The following LINGO2 variants were observed in gnomAD, a reference collection of about 807,000 sequenced individuals.
LINGO2 encodes the protein leucine rich repeat and Ig domain containing 2, also known as leucine-rich repeat and immunoglobulin-like domain-containing nogo receptor-interacting protein 2.
LINGO2 carries 14 observed loss-of-function variants against 30.6 expected under a neutral mutation model. That is an observed-to-expected ratio of 0.46 (90% CI 0.30 to 0.72). LINGO2 has a LOEUF of 0.72. Ranked by LOEUF, LINGO2 falls within the 30% of genes least tolerant of loss-of-function variation. The pLI, the probability that LINGO2 is intolerant of heterozygous loss-of-function variation, is 0.07. For missense variants in LINGO2, 729 were observed against 751.7 expected, an observed-to-expected ratio of 0.97 and a Z score of 0.35; for synonymous variants, 317 against 288.5, an observed-to-expected ratio of 1.10 and a Z score of -1.00.
At chr9:28,482,285 G>A (rs9776887) in intron 1 of LINGO2, among the ~76,000 whole-genome samples, 91,964 of 151,422 alleles carry the variant, frequency 0.61, 28,464 homozygotes, top group South Asian at 0.74. Flanking sequence ...TCCAGCACCT[G>A]TTGTTTCCTG....
At chr9:28,158,603 C>T (rs906587417) in intron 4 of LINGO2, among the ~76,000 whole-genome samples, 2 of 152,156 alleles carry the variant, frequency 1.3e-5, no homozygotes, top group Non-Finnish European at 2.9e-5. Context: ...CAGTGGAGCA[C>T]ATCTAATAGA....
intron 4 of LINGO2, among the ~76,000 whole-genome samples, chr9:28,058,925 A>C (rs1825050550): frequency 6.6e-6 from 1 of 152,206 alleles, no homozygotes; most frequent in African/African-American, 2.4e-5. Context: ...ATTTATAAGT[A>C]AACAATTATA....
intron 1 of LINGO2, among the ~76,000 whole-genome samples, chr9:28,625,924 C>CT (rs1204301056): frequency 6.6e-6 from 1 of 152,022 alleles, no homozygotes; most frequent in Admixed American, 6.6e-5. Flanking sequence ...AAGACATACA[C>CT]TTTGAGTTTT....
the LINGO2 span, among the ~76,000 whole-genome samples, chr9:28,883,485 T>G: frequency 6.6e-4 from 100 of 151,466 alleles, no homozygotes; most frequent in African/African-American, 2.4e-3. Context: ...AAACACAACT[T>G]CCCAAGGAAA....
At chr9:29,013,108 T>C in the LINGO2 span, among the ~76,000 whole-genome samples, 1 of 152,142 alleles carries the variant, frequency 6.6e-6, no homozygotes, top group Admixed American at 6.5e-5. Context: ...AATGGGAAAA[T>C]CTCGTATTGA....
At chr9:28,167,357 C>T (rs1828459822) in intron 4 of LINGO2, among the ~76,000 whole-genome samples, 1 of 152,070 alleles carries the variant, frequency 6.6e-6, no homozygotes, top group Admixed American at 6.6e-5. Context: ...TAAGAGAGCC[C>T]AGTCTTTCTC....
the LINGO2 span, among the ~76,000 whole-genome samples, chr9:28,920,096 T>C: frequency 3.3e-5 from 5 of 152,262 alleles, no homozygotes; most frequent in African/African-American, 1.2e-4. Context: ...TATTTCTCTA[T>C]TTAAGATGAT....
the LINGO2 span, among the ~76,000 whole-genome samples, chr9:29,143,254 T>C: frequency 6.6e-6 from 1 of 152,074 alleles, no homozygotes; most frequent in African/African-American, 2.4e-5. Flanking sequence ...CACAAGATCA[T>C]CTACAGATCC....
At chr9:28,566,948 T>A (rs909519085) in intron 1 of LINGO2, among the ~76,000 whole-genome samples, 2 of 152,192 alleles carry the variant, frequency 1.3e-5, no homozygotes, top group Admixed American at 1.3e-4. Context: ...AACCAATAGT[T>A]GATATGATAT....
chr9:28,511,055 C>T (rs1820364580), intron 1 of LINGO2, among the ~76,000 whole-genome samples: 1 of 151,922 alleles, frequency 6.6e-6, no homozygotes, highest in Non-Finnish European at 1.5e-5. Flanking sequence ...GGTGGATCTG[C>T]CTTCCCCAGC....
the LINGO2 span, among the ~76,000 whole-genome samples, chr9:28,678,666 T>G: frequency 1.3e-5 from 2 of 152,254 alleles, no homozygotes; most frequent in African/African-American, 4.8e-5. Flanking sequence ...TTTATACAAC[T>G]AAGCACTCAG....
At chr9:28,938,139 A>C in the LINGO2 span, among the ~76,000 whole-genome samples, 4 of 152,306 alleles carry the variant, frequency 2.6e-5, no homozygotes, top group Admixed American at 1.3e-4. Flanking sequence ...GAAGTCTGAA[A>C]GCCTTTCTTC....
chr9:27,967,560 T>C (rs969089437), intron 5 of LINGO2, among the ~76,000 whole-genome samples: 18 of 152,166 alleles, frequency 1.2e-4, no homozygotes, highest in African/African-American at 4.3e-4. Flanking sequence ...AATATGAATC[T>C]AGTATATATG....
chr9:28,769,292 C>T, the LINGO2 span, among the ~76,000 whole-genome samples: 2 of 150,402 alleles, frequency 1.3e-5, no homozygotes, highest in African/African-American at 4.9e-5. Flanking sequence ...AATGTGTTCT[C>T]TAGATTTTAA....
At chr9:28,320,158 TC>T (rs1362051700) in intron 3 of LINGO2, among the ~76,000 whole-genome samples, 1 of 152,092 alleles carries the variant, frequency 6.6e-6, no homozygotes, top group Non-Finnish European at 1.5e-5. Flanking sequence ...TACAATCCCC[TC>T]ATTCTCAAGG....
At chr9:28,686,765 G>C in the LINGO2 span, among the ~76,000 whole-genome samples, 25 of 151,992 alleles carry the variant, frequency 1.6e-4, no homozygotes, top group Admixed American at 1.6e-3. Context: ...GAGCTTATTG[G>C]AATATCCATT....
chr9:28,711,849 T>C, the LINGO2 span, among the ~76,000 whole-genome samples: 1 of 152,124 alleles, frequency 6.6e-6, no homozygotes, highest in Non-Finnish European at 1.5e-5. Context: ...CACAAAAACT[T>C]ACTCCATTAA....
At chr9:28,270,921 C>G (rs1822917003) in intron 4 of LINGO2, among the ~76,000 whole-genome samples, 1 of 152,096 alleles carries the variant, frequency 6.6e-6, no homozygotes, top group African/African-American at 2.4e-5. Flanking sequence ...TTTACTCAAA[C>G]AGTGGGTGGC....
the LINGO2 span, among the ~76,000 whole-genome samples, chr9:28,742,428 T>C: frequency 6.6e-6 from 1 of 151,894 alleles, no homozygotes; most frequent in Admixed American, 6.6e-5. Flanking sequence ...ATCTTAGTTA[T>C]GTTAGTCTCC....
Sources: allele counts gnomAD v4.1 joint callset (sites outside exome capture counted in the v4.1 genomes callset), GRCh38; gene constraint gnomAD v4.1.1; transcripts MANE v1.5; gene names NCBI Gene and HGNC (gene_info 2026-07-23, HGNC 2026-07-21).